Variants in NOS1AP observed in about 807,000 individuals in gnomAD.
NOS1AP encodes nitric oxide synthase 1 adaptor protein.
In NOS1AP, 21 loss-of-function variants were observed where a neutral mutation model predicts 56.2. That is an observed-to-expected ratio of 0.37 (90% confidence interval 0.26 to 0.54). The LOEUF (loss-of-function observed/expected upper bound fraction) is 0.54. Among genes scored for constraint, NOS1AP ranks in the 20% least tolerant of loss-of-function variants. The probability of loss-of-function intolerance (pLI) is 0.84; values close to 1 mark genes in which losing one functional copy is unlikely to be tolerated. For synonymous variants in NOS1AP, 270 were observed against 274.6 expected (o/e 0.98, Z 0.17); for missense variants, 522 against 657.8 (o/e 0.79, Z 2.26).
intron 2 of NOS1AP, among the ~76,000 whole-genome samples, chr1:162,175,406 A>T (rs1651010498): frequency 6.6e-6 from 1 of 152,166 alleles, no homozygotes. Context: ...TTCATTGCAC[A>T]AATTGTTTTA....
chr1:162,137,672 T>C (rs1226206337), intron 1 of NOS1AP, among the ~76,000 whole-genome samples: 1 of 152,084 alleles, frequency 6.6e-6, no homozygotes, highest in African/African-American at 2.4e-5. Context: ...CATTCTGCTG[T>C]CTGACGGATG....
At chr1:162,306,387 C>T (rs1301445534) in intron 4 of NOS1AP, among the ~76,000 whole-genome samples, 1 of 152,134 alleles carries the variant, frequency 6.6e-6, no homozygotes, top group Non-Finnish European at 1.5e-5. Context: ...AAAACAACTC[C>T]CTGGCACCTT....
At chr1:162,104,405 G>A (rs1647418382) in intron 1 of NOS1AP, among the ~76,000 whole-genome samples, 1 of 152,102 alleles carries the variant, frequency 6.6e-6, no homozygotes, top group Non-Finnish European at 1.5e-5. Flanking sequence ...TCTTCTCATG[G>A]AGTATCTTAC....
chr1:162,183,303 G>C (rs1591618), intron 2 of NOS1AP, among the ~76,000 whole-genome samples: 70,650 of 152,098 alleles, frequency 0.46, 17,995 homozygotes, highest in East Asian at 0.75. Flanking sequence ...GCTGTAAAGA[G>C]ATGGGCTGTC....
intron 1 of NOS1AP, among the ~76,000 whole-genome samples, chr1:162,083,942 CTG>C (rs1266732870): frequency 6.6e-6 from 1 of 152,216 alleles, no homozygotes; most frequent in Admixed American, 6.5e-5. Flanking sequence ...ATTGGAATCT[CTG>C]TGGAGTTATA....
intron 4 of NOS1AP, among the ~76,000 whole-genome samples, chr1:162,303,290 A>G (rs1655719030): frequency 6.6e-6 from 1 of 152,250 alleles, no homozygotes; most frequent in Non-Finnish European, 1.5e-5. Flanking sequence ...TTCTAAAGGG[A>G]TACCACCAGT....
At chr1:162,107,468 G>C (rs1184375350) in intron 1 of NOS1AP, among the ~76,000 whole-genome samples, 1 of 152,050 alleles carries the variant, frequency 6.6e-6, no homozygotes, top group East Asian at 1.9e-4. Flanking sequence ...TTAGTAGCTA[G>C]GACTATAGGT....
intron 3 of NOS1AP, among the ~76,000 whole-genome samples, chr1:162,292,363 A>G (rs528681583): frequency 6.6e-5 from 10 of 152,378 alleles, no homozygotes; most frequent in Non-Finnish European, 1.2e-4. Flanking sequence ...AAGTAGTTAC[A>G]CACTAAGGTG....
chr1:162,090,745 T>C (rs1257871208), intron 1 of NOS1AP, among the ~76,000 whole-genome samples: 2 of 152,086 alleles, frequency 1.3e-5, no homozygotes, highest in African/African-American at 4.8e-5. Flanking sequence ...TTTTTTACTT[T>C]GCTTTCTTGA....
chr1:162,127,097 A>T (rs1408889040), intron 1 of NOS1AP, among the ~76,000 whole-genome samples: 1 of 151,966 alleles, frequency 6.6e-6, no homozygotes, highest in African/African-American at 2.4e-5. Context: ...ATCTGCTTAT[A>T]TCTTTTGCCA....
intron 2 of NOS1AP, among the ~76,000 whole-genome samples, chr1:162,250,041 C>G (rs1653798639): frequency 6.6e-6 from 1 of 152,192 alleles, no homozygotes; most frequent in South Asian, 2.1e-4. Flanking sequence ...AATCCCATGC[C>G]CTGTCTGTTC....
intron 2 of NOS1AP, among the ~76,000 whole-genome samples, chr1:162,281,481 G>T (rs1408823029): frequency 6.6e-6 from 1 of 152,180 alleles, no homozygotes. Flanking sequence ...TCAACAGTGA[G>T]TGATAATAGA....
intron 4 of NOS1AP, among the ~76,000 whole-genome samples, chr1:162,324,253 C>A (rs934286443): frequency 3.9e-5 from 6 of 152,084 alleles, no homozygotes; most frequent in Admixed American, 6.5e-5. Context: ...ATAACACAGA[C>A]ACACAGAAGA....
At chr1:162,346,984 G>A (rs564872225) in intron 6 of NOS1AP, among the ~76,000 whole-genome samples, 23 of 152,216 alleles carry the variant, frequency 1.5e-4, no homozygotes, top group Non-Finnish European at 2.6e-4. Flanking sequence ...GTGATCTAGG[G>A]CTTAGAGATA....
chr1:162,199,634 G>C (rs1436909265), intron 2 of NOS1AP, among the ~76,000 whole-genome samples: 4 of 142,460 alleles, frequency 2.8e-5, no homozygotes, highest in East Asian at 2.0e-4. Context: ...GTGTGTGTGT[G>C]TGTGTGTCTG....
Position 162,173,464 on chromosome 1 carries a change from C to T in NOS1AP, c.177+18988C>T, listed in dbSNP as rs570046216. ...CATGTTAGACCTAAAACCATAAAAA[C>T]CCTAGAAGAAAACCTAGGCAATACC... On this transcript the variant is annotated intron_variant, in intron 2 of 9. Coordinates refer to ENST00000361897, the MANE Select transcript of NOS1AP (RefSeq NM_014697.3). Among the ~76,000 whole-genome samples the T allele has an allele frequency of 8.5e-3, 1,291 of 152,256 alleles. 24 individuals are homozygous for T. The highest frequency in any genetic ancestry group is 0.029 in the African/African-American group (1,219 of 41,546).
Position 162,118,303 on chromosome 1 carries a change from G to A in NOS1AP, c.106-36102G>A, listed in dbSNP as rs919746592. 2.0e-5 allele frequency among the ~76,000 whole-genome samples: 3 copies of A among 152,096 alleles called. No homozygotes were observed. In the South Asian group the frequency reaches 6.2e-4, roughly 32 times the overall value. On this transcript the variant is annotated intron_variant, in intron 1 of 9. Transcript: ENST00000361897. ...CAGTGTCTGTCGTTCCCATATGCAC[G>A]TTCATGTGTATTCAGTGTTTAGCTC... is the stretch of plus-strand genomic sequence containing the variant.
At chr1:162,146,429 T>A (rs1194854133) in intron 1 of NOS1AP, among the ~76,000 whole-genome samples, 1 of 152,110 alleles carries the variant, frequency 6.6e-6, no homozygotes, top group Non-Finnish European at 1.5e-5. Context: ...TACACATGAT[T>A]TTGGAGGCTT....
At chr1:162,137,786 T>C (rs892815346) in intron 1 of NOS1AP, among the ~76,000 whole-genome samples, 2 of 152,120 alleles carry the variant, frequency 1.3e-5, no homozygotes, top group African/African-American at 4.8e-5. Context: ...CTCGCTGTGT[T>C]GCTGTATACC....
Sources: gnomAD v4.1 joint callset for allele counts (sites outside exome capture counted in the v4.1 genomes callset) on GRCh38, gnomAD v4.1.1 for gene constraint, MANE v1.5 for transcripts, NCBI Gene and HGNC (gene_info 2026-07-23, HGNC 2026-07-21) for gene names.